Variants in SRFBP1 observed in about 807,000 individuals in gnomAD.
The protein encoded by SRFBP1 is serum response factor binding protein 1.
Under a neutral mutation model 45.5 loss-of-function variants are expected in SRFBP1, and 47 were observed. The observed-to-expected ratio is 1.03, with a 90% CI of 0.82 to 1.32. SRFBP1 has a LOEUF of 1.32. Among genes scored for constraint, SRFBP1 ranks in the 40% most tolerant of loss-of-function variants. The pLI is 0.00. For synonymous variants in SRFBP1, 203 were observed against 166.3 expected (o/e 1.22, Z -1.70); for missense variants, 621 against 484.6 (o/e 1.28, Z -2.64).
Position 122,020,273 on chromosome 5 carries a change from C to T in SRFBP1, c.538C>T (p.Pro180Ser), listed in dbSNP as rs759599170. 6.2e-7 allele frequency: 1 copy of T among 1,612,496 alleles called. No homozygotes were observed. Among genetic ancestry groups the T allele is most frequent in the Non-Finnish European group, 8.5e-7 (1 of 1,179,570 alleles). The change falls in exon 6 of 8, where the codon CCA becomes TCA. Residue 180 changes from proline (P) to serine (S), a missense_variant. Transcript: ENST00000339397. ...AGAAACCAAAATATTGGCGAAGAAA[C>T]CAATACATAATTCAAAGGAAAAAAT... ...VKETKILAKK[P>S]IHNSKEKIAK... is the part of the protein sequence containing the mutation.
At chr5:122,055,783 A>G (rs987194818) in intron 2 of SRFBP1, among the ~76,000 whole-genome samples, 7 of 152,206 alleles carry the variant, frequency 4.6e-5, no homozygotes, top group Admixed American at 2.0e-4. Context: ...TAAAAACACA[A>G]TGAGGATGGT....
rs181191621 is a variant in SRFBP1, at chr5:122,014,538, A to G, written c.271-4722A>G. Among the ~76,000 whole-genome samples, 1,110 of 152,098 alleles carry G rather than the reference A, an allele frequency of 7.3e-3. 6 individuals are homozygous for G. The highest frequency in any genetic ancestry group is 0.012 in the Non-Finnish European group (829 of 67,998). On this transcript the variant is annotated intron_variant, in intron 4 of 7. Coordinates refer to ENST00000339397, the MANE Select transcript of SRFBP1 (RefSeq NM_152546.3). Reference sequence around the variant, plus strand: ...TCCACAAAGATTGCAACATAAAAACACAGTTATAGAAGAAGACATTAGAAA... The same window carrying G: ...TCCACAAAGATTGCAACATAAAAACGCAGTTATAGAAGAAGACATTAGAAA...
chr5:122,024,351 A>G (rs2112713044), intron 7 of SRFBP1, among the ~76,000 whole-genome samples: 1 of 152,282 alleles, frequency 6.6e-6, no homozygotes, highest in Non-Finnish European at 1.5e-5. Context: ...AGCCAATGCC[A>G]AATTTTTATG....
intron 7 of SRFBP1, among the ~76,000 whole-genome samples, chr5:122,025,844 T>C (rs190770560): frequency 7.2e-4 from 109 of 152,312 alleles, no homozygotes; most frequent in Non-Finnish European, 1.0e-3. Context: ...CTCATGCCTG[T>C]AATCCCAGCA....
chr5:121,994,825 T>C (rs1428767740), intron 4 of SRFBP1, among the ~76,000 whole-genome samples, 155 bp downstream of exon 4: 2 of 152,100 alleles, frequency 1.3e-5, no homozygotes, highest in African/African-American at 2.4e-5. Context: ...AAAAAAAATT[T>C]ATACTAACAT....
At chr5:122,037,273 A>T (rs542801556) in intron 2 of SRFBP1, among the ~76,000 whole-genome samples, 48 of 152,006 alleles carry the variant, frequency 3.2e-4, no homozygotes, top group Admixed American at 1.6e-3. Flanking sequence ...ACTGACACAA[A>T]CATCATGCTC....
intron 2 of SRFBP1, among the ~76,000 whole-genome samples, chr5:122,069,422 AC>A (rs1485119426): frequency 6.6e-6 from 1 of 152,126 alleles, no homozygotes; most frequent in African/African-American, 2.4e-5. Context: ...AACCTACCCA[AC>A]CTTTTTTCAT....
At chr5:121,967,605 G>A (rs1451479640) in intron 1 of SRFBP1, among the ~76,000 whole-genome samples, 6 of 152,166 alleles carry the variant, frequency 3.9e-5, no homozygotes, top group African/African-American at 1.4e-4. Flanking sequence ...GGCTGAGGCC[G>A]GCAGATCACT....
intron 1 of SRFBP1, among the ~76,000 whole-genome samples, chr5:121,971,384 A>G (rs1010507627): frequency 5.3e-5 from 8 of 152,026 alleles, no homozygotes; most frequent in African/African-American, 1.4e-4. Flanking sequence ...AGCTACCTCT[A>G]AAGACCTTTA....
At chr5:121,993,849 G>A (rs1027528362) in intron 3 of SRFBP1, among the ~76,000 whole-genome samples, 14 of 151,786 alleles carry the variant, frequency 9.2e-5, no homozygotes, top group African/African-American at 3.4e-4. Flanking sequence ...TTAATTCCAG[G>A]TGGAAGGGCC....
downstream of SRFBP1, among the ~76,000 whole-genome samples, chr5:122,075,856 A>G (rs1754611639): frequency 6.6e-6 from 1 of 152,228 alleles, no homozygotes; most frequent in Non-Finnish European, 1.5e-5. Flanking sequence ...AAACTTTAGA[A>G]TCAATTCAAG....
At chr5:122,049,181 A>T (rs1044572774) in intron 2 of SRFBP1, among the ~76,000 whole-genome samples, 2 of 152,164 alleles carry the variant, frequency 1.3e-5, no homozygotes, top group Admixed American at 1.3e-4. Context: ...ATGGAGGAAG[A>T]TCTACCAAGC....
At position 121,983,376 on chromosome 5, in the gene SRFBP1, C is replaced by T. The variant is rs2112827350; in HGVS notation, c.198+7989C>T. On this transcript the variant is annotated intron_variant, in intron 3 of 7. Coordinates refer to ENST00000339397, the MANE Select transcript of SRFBP1 (RefSeq NM_152546.3). ...CATTTTCTCTGTCTACCTCTTTGTA[C>T]CTGACAGAAGTGAGTAATTTTATAT... is the stretch of plus-strand genomic sequence containing the variant. Among the ~76,000 whole-genome samples, 3 of 151,678 alleles carry T rather than the reference C, an allele frequency of 2.0e-5. No homozygotes were observed. In the Middle Eastern group the frequency reaches 0.01, roughly 516 times the overall value.
At chr5:122,076,801 G>T, downstream of SRFBP1, 1 of 1,096,886 alleles carries the variant, frequency 9.1e-7, no homozygotes, top group Non-Finnish European at 1.4e-6. Context: ...CCTAACACTT[G>T]TCTGCGCGAA....
chr5:122,029,747 T>G (rs1055154446), downstream of SRFBP1, among the ~76,000 whole-genome samples: 5 of 152,316 alleles, frequency 3.3e-5, no homozygotes, highest in African/African-American at 1.2e-4. Context: ...CCACCTGTTC[T>G]CCATTGTCTG....
chr5:121,982,120 T>A (rs1752421065), intron 3 of SRFBP1, among the ~76,000 whole-genome samples: 1 of 152,004 alleles, frequency 6.6e-6, no homozygotes, highest in African/African-American at 2.4e-5. Context: ...GGAAAAAGGT[T>A]CTTCATTTTA....
chr5:122,040,552 G>C (rs960556878), intron 2 of SRFBP1, among the ~76,000 whole-genome samples: 1 of 152,138 alleles, frequency 6.6e-6, no homozygotes, highest in Non-Finnish European at 1.5e-5. Context: ...ACTACGGTAT[G>C]AATACTCAAT....
chr5:122,054,262 C>G (rs1754038554), intron 2 of SRFBP1, among the ~76,000 whole-genome samples: 1 of 152,214 alleles, frequency 6.6e-6, no homozygotes, highest in African/African-American at 2.4e-5. Flanking sequence ...CCTGATCCAT[C>G]TTGCACAGTT....
Position 122,037,959 on chromosome 5 carries a change from G to A in SRFBP1, n.311+15552G>A, listed in dbSNP as rs562613091. ...AGTTAGGTTTGGGTCATGTGACTTA[G>A]GAATTGCTTAATCCTTAAGTGGAAT... is the stretch of plus-strand genomic sequence containing the variant. On this transcript the variant is annotated intron_variant and non_coding_transcript_variant, in intron 2 of 2. Coordinates refer to the SRFBP1 transcript ENST00000504881. Among the ~76,000 whole-genome samples, 35 of 152,296 alleles carry A rather than the reference G, an allele frequency of 2.3e-4. 1 individual carries two copies. The highest frequency in any genetic ancestry group is 3.7e-4 in the Non-Finnish European group (25 of 68,030).
Sources: allele counts gnomAD v4.1 joint callset (sites outside exome capture counted in the v4.1 genomes callset), GRCh38; gene constraint gnomAD v4.1.1; transcripts MANE v1.5; gene names NCBI Gene and HGNC (gene_info 2026-07-23, HGNC 2026-07-21).